DPEP1: variants seen among roughly 807,000 people sequenced by gnomAD.
The protein encoded by DPEP1 is beta-lactamase.
A neutral mutation model predicts 42.3 loss-of-function variants in DPEP1; 50 were observed. The ratio of observed to expected loss-of-function variants is 1.18; its 90% CI spans 0.94 to 1.50. The LOEUF (loss-of-function observed/expected upper bound fraction) is 1.50. Among genes scored for constraint, DPEP1 ranks in the 40% most tolerant of loss-of-function variants. DPEP1 has a pLI of 0.00. For missense variants in DPEP1, 663 were observed against 553.0 expected (o/e 1.20, Z -1.99); for synonymous variants, 297 against 234.0 (o/e 1.27, Z -2.46).
chr16:89,640,646 C>T (rs2059736372), downstream of DPEP1: 1 of 985,294 alleles, frequency 1.0e-6, no homozygotes, highest in East Asian at 1.1e-4. Context: ...CTGTCTGTTC[C>T]CCTCCCAGCC....
chr16:89,630,007 G>A (rs949240541), intron 1 of DPEP1, among the ~76,000 whole-genome samples: 20 of 152,182 alleles, frequency 1.3e-4, no homozygotes, highest in Non-Finnish European at 2.8e-4. Context: ...GAGGGAGGTG[G>A]TAGTAATAAC....
chr16:89,624,630 G>C (rs1306654341), intron 1 of DPEP1, among the ~76,000 whole-genome samples: 1 of 152,054 alleles, frequency 6.6e-6, no homozygotes, highest in Non-Finnish European at 1.5e-5. Flanking sequence ...TGCCTCCCAG[G>C]TTCAAGCGAT....
chr16:89,623,530 C>T (rs146430243), intron 1 of DPEP1, among the ~76,000 whole-genome samples: 131 of 152,258 alleles, frequency 8.6e-4, no homozygotes, highest in Non-Finnish European at 1.5e-3. Flanking sequence ...GTCTGCATTC[C>T]GTTTGGTAAA....
At chr16:89,616,166 G>T (rs1036869282) in intron 1 of DPEP1, among the ~76,000 whole-genome samples, 13 of 152,056 alleles carry the variant, frequency 8.5e-5, no homozygotes, top group African/African-American at 3.1e-4. Flanking sequence ...TCGGGGGCTG[G>T]GCTGGGGGTT....
At chr16:89,618,913 CT>C (rs1597741071) in intron 1 of DPEP1, among the ~76,000 whole-genome samples, 1 of 149,698 alleles carries the variant, frequency 6.7e-6, no homozygotes, top group African/African-American at 2.4e-5. Context: ...GAGGGTTGCC[CT>C]CCCTGCTCCC....
chr16:89,638,256 C>T lies in DPEP1; in HGVS notation c.*34C>T, dbSNP rs774539480. On this transcript the variant is annotated 3_prime_UTR_variant, in exon 11 of 11. Coordinates refer to ENST00000690203, the MANE Select transcript of DPEP1 (RefSeq NM_001389466.1). ...AGACCAGAGTCCCCTTTAGGGTTCC[C>T]GGAGCTCCGGGAAGACCCGCCCATC... is the stretch of plus-strand genomic sequence containing the variant. 2.5e-5 allele frequency: 38 copies of T among 1,496,636 alleles called. No homozygotes were observed. The highest frequency in any genetic ancestry group is 4.5e-4 in the Middle Eastern group (2 of 4,482). 92.7% of individuals were successfully genotyped at this position (1,496,636 alleles called of 1,614,324 possible). A position where few individuals can be genotyped will look rare whatever the true frequency, so the allele number is the denominator to read the frequency against.
intron 1 of DPEP1, among the ~76,000 whole-genome samples, chr16:89,624,084 A>G (rs1446334910): frequency 6.6e-6 from 1 of 152,148 alleles, no homozygotes; most frequent in African/African-American, 2.4e-5. Context: ...ACTACTGATG[A>G]GGGCAGAATA....
downstream of DPEP1, chr16:89,640,473 G>C: frequency 1.3e-6 from 1 of 776,628 alleles, no homozygotes; most frequent in Non-Finnish European, 1.6e-6. Context: ...GGGGGCTCCG[G>C]GGTCCATGCC....
intron 1 of DPEP1, among the ~76,000 whole-genome samples, chr16:89,629,514 C>A (rs1013236555): frequency 2.0e-5 from 3 of 151,436 alleles, no homozygotes; most frequent in South Asian, 2.1e-4. Context: ...CCCCCACCCC[C>A]CCCCGAAGCC....
intron 1 of DPEP1, among the ~76,000 whole-genome samples, chr16:89,620,977 C>T (rs1567981651): frequency 6.6e-6 from 1 of 152,208 alleles, no homozygotes; most frequent in East Asian, 1.9e-4. Context: ...CAGTGAAGGG[C>T]GAGAGTCTCA....
rs142923681 is a variant in DPEP1, at chr16:89,634,763, CT to C, written c.105-1144del. On this transcript the variant is annotated intron_variant, in intron 2 of 10. Coordinates refer to ENST00000690203, the MANE Select transcript of DPEP1 (RefSeq NM_001389466.1). ...CCCTTCCTTCTCCTTTCCCTTCCTTCTCCTTTCCCTTCCTTCTCCTTTCCCT... is the reference window on the plus strand; with the variant it reads ...CCCTTCCTTCTCCTTTCCCTTCCTTCCCTTTCCCTTCCTTCTCCTTTCCCT... 2.0e-3 allele frequency among the ~76,000 whole-genome samples: 97 copies of C among 47,678 alleles called. 4 individuals are homozygous for C. The highest frequency in any genetic ancestry group is 2.9e-3 in the Non-Finnish European group (54 of 18,942). 31.3% of individuals were successfully genotyped at this position (47,678 alleles called of 152,430 possible). A position where few individuals can be genotyped will look rare whatever the true frequency, so the allele number is the denominator to read the frequency against.
chr16:89,620,342 G>A (rs1466060113), intron 1 of DPEP1, among the ~76,000 whole-genome samples: 1 of 152,070 alleles, frequency 6.6e-6, no homozygotes, highest in East Asian at 1.9e-4. Flanking sequence ...GGCTCGTTGG[G>A]CTGGGCCCAA....
At chr16:89,627,314 G>A (rs1006932500) in intron 1 of DPEP1, among the ~76,000 whole-genome samples, 9 of 151,206 alleles carry the variant, frequency 6.0e-5, no homozygotes, top group Non-Finnish European at 1.2e-4. Context: ...CAGGCATGGT[G>A]GCTCACACCT....
intron 1 of DPEP1, among the ~76,000 whole-genome samples, chr16:89,618,363 T>C (rs930561587): frequency 5.3e-5 from 8 of 152,138 alleles, no homozygotes; most frequent in African/African-American, 1.9e-4. Flanking sequence ...ACCACAAGTG[T>C]GTGCCACCAC....
intron 1 of DPEP1, among the ~76,000 whole-genome samples, chr16:89,627,378 T>G (rs1165318644): frequency 6.7e-6 from 1 of 149,870 alleles, no homozygotes; most frequent in South Asian, 2.1e-4. Flanking sequence ...AGGTCAGGAG[T>G]TCAAGACCAG....
At chr16:89,635,265 C>T (rs1170795678) in intron 2 of DPEP1, among the ~76,000 whole-genome samples, 1 of 151,880 alleles carries the variant, frequency 6.6e-6, no homozygotes, top group Admixed American at 6.6e-5. Context: ...CCCTCACCAC[C>T]ACCAGCTCCT....
intron 1 of DPEP1, among the ~76,000 whole-genome samples, chr16:89,620,179 C>G (rs940394601): frequency 6.6e-6 from 1 of 152,138 alleles, no homozygotes; most frequent in South Asian, 2.1e-4. Flanking sequence ...GGAGATCAAC[C>G]CATCGCACTT....
In DPEP1 at chr16:89,637,228, C is replaced by T; in HGVS notation, c.616C>T (p.Leu206=). Reference sequence around the variant, plus strand: ...GCGTGTGGTGAAGGAGCTGAACCGTCTGGGGGTCCTCATCGACTTGGCTCA... The same window carrying T: ...GCGTGTGGTGAAGGAGCTGAACCGTTTGGGGGTCCTCATCGACTTGGCTCA... ...GQRVVKELNR[L]GVLIDLAHVS... is the part of the protein sequence containing the mutation. Residue 206 remains leucine, a synonymous_variant, in exon 7 of 11, where the codon CTG becomes TTG. Coordinates refer to ENST00000690203, the MANE Select transcript of DPEP1 (RefSeq NM_001389466.1). 6.2e-7 allele frequency: 1 copy of T among 1,612,672 alleles called. No individual in the cohort carries two copies. The highest frequency in any genetic ancestry group is 8.5e-7 in the Non-Finnish European group (1 of 1,179,918).
downstream of DPEP1, among the ~76,000 whole-genome samples, chr16:89,641,512 T>G (rs1323633686): frequency 6.6e-6 from 1 of 152,194 alleles, no homozygotes; most frequent in Non-Finnish European, 1.5e-5. Context: ...TATTATAATA[T>G]TGGAATAAAG....
Sources: gnomAD v4.1 joint callset for allele counts (sites outside exome capture counted in the v4.1 genomes callset) on GRCh38, gnomAD v4.1.1 for gene constraint, MANE v1.5 for transcripts, NCBI Gene and HGNC (gene_info 2026-07-23, HGNC 2026-07-21) for gene names.